The following MBD2 variants were observed in gnomAD, a reference collection of about 807,000 sequenced individuals.
MBD2 encodes methyl-CpG-binding domain protein 2.
A neutral mutation model predicts 39.3 loss-of-function variants in MBD2; 9 were observed. The ratio of observed to expected loss-of-function variants is 0.23; its 90% CI spans 0.14 to 0.40. The LOEUF is 0.40. Ranked by LOEUF, MBD2 falls within the 10% of genes least tolerant of loss-of-function variation. The probability of loss-of-function intolerance (pLI) is 1.00; values close to 1 mark genes in which losing one functional copy is unlikely to be tolerated. For synonymous variants in MBD2, 233 were observed against 211.1 expected (o/e 1.10, Z -0.90); for missense variants, 458 against 532.6 (o/e 0.86, Z 1.38).
intron 1 of MBD2, among the ~76,000 whole-genome samples, chr18:54,223,802 A>C (rs556938228): frequency 6.6e-6 from 1 of 152,046 alleles, no homozygotes; most frequent in Non-Finnish European, 1.5e-5. Flanking sequence ...CGCCTTCCAC[A>C]TAAGATGCCC....
At chr18:54,203,141 T>TA in intron 2 of MBD2, 4 of 1,570,726 alleles carry the variant, frequency 2.5e-6, no homozygotes, top group Non-Finnish European at 3.5e-6. Context: ...AGAGATGAAT[T>TA]AGTGTTTGGT....
rs1568085515 is a variant in MBD2 at position 54,189,030 on chromosome 18, T to A, written c.703-19A>T. 1 of 1,519,464 alleles carries A rather than the reference T, an allele frequency of 6.6e-7. No individual in the cohort carries two copies. Among genetic ancestry groups the A allele is most frequent in the Non-Finnish European group, 9.0e-7 (1 of 1,115,980 alleles). 94.1% of individuals were successfully genotyped at this position (1,519,464 alleles called of 1,614,324 possible). On this transcript the variant is annotated intron_variant, in intron 2 of 6. Coordinates refer to ENST00000256429, the MANE Select transcript of MBD2 (RefSeq NM_003927.5). ...GTTTACCCTGTGAATATAAATGTAT[T>A]TTTATTTAAAATATTATATATAAAC...
intron 3 of MBD2, among the ~76,000 whole-genome samples, chr18:54,178,379 GTAAAAC>G (rs2086227106): frequency 6.6e-6 from 1 of 152,018 alleles, no homozygotes; most frequent in African/African-American, 2.4e-5. Context: ...AAACATATCT[GTAAAAC>G]AATAAATGTA....
intron 3 of MBD2, among the ~76,000 whole-genome samples, chr18:54,168,321 T>C (rs1291364994): frequency 6.6e-6 from 1 of 151,418 alleles, no homozygotes; most frequent in Non-Finnish European, 1.5e-5. Flanking sequence ...AAGAAAAAAT[T>C]AGTAAAAATA....
intron 2 of MBD2, among the ~76,000 whole-genome samples, chr18:54,197,999 T>C (rs568826422): frequency 1.3e-5 from 2 of 152,252 alleles, no homozygotes; most frequent in East Asian, 1.9e-4. Context: ...ACAAAAAGGG[T>C]ATCAGTATCT....
intron 1 of MBD2, among the ~76,000 whole-genome samples, chr18:54,211,309 GA>G (rs2144341576): frequency 6.6e-6 from 1 of 151,774 alleles, no homozygotes; most frequent in South Asian, 2.1e-4. Context: ...CTAAAAACAT[GA>G]AATTAGAATT....
intron 2 of MBD2, chr18:54,202,976 A>G: frequency 1.0e-6 from 1 of 994,958 alleles, no homozygotes; most frequent in Non-Finnish European, 1.6e-6. Context: ...TGGGTCTTGG[A>G]TGAGTAGGAG....
chr18:54,164,367 C>T (rs1187178431), intron 5 of MBD2, among the ~76,000 whole-genome samples, 156 bp downstream of exon 5: 1 of 152,084 alleles, frequency 6.6e-6, no homozygotes, highest in East Asian at 1.9e-4. Flanking sequence ...CTTTTTTCAC[C>T]TTCTATCAGT....
Position 54,200,606 on chromosome 18 carries a change from A to C in MBD2, c.702+4392T>G, listed in dbSNP as rs750967113. On this transcript the variant is annotated intron_variant, in intron 2 of 6. Coordinates refer to ENST00000256429, the MANE Select transcript of MBD2 (RefSeq NM_003927.5). ...ACAGTCACATCTGTGAAACCCTGCA[A>C]CACCACCTCTTTGAAAAATCAAACA... is the stretch of plus-strand genomic sequence containing the variant. Among the ~76,000 whole-genome samples, 22 of 152,278 alleles carry C rather than the reference A, an allele frequency of 1.4e-4. 1 individual carries two copies. The highest frequency in any genetic ancestry group is 4.1e-4 in the South Asian group (2 of 4,830).
chr18:54,154,457 T>C lies in MBD2; in HGVS notation c.*867A>G, dbSNP rs2086039716. 1.3e-5 allele frequency: 2 copies of C among 152,152 alleles called. No homozygotes were observed. Among genetic ancestry groups the C allele is most frequent in the African/African-American group, 4.8e-5 (2 of 41,448 alleles). 9.4% of individuals were successfully genotyped at this position (152,152 alleles called of 1,614,324 possible). Reference sequence around the variant, plus strand: ...GATAACTCAGTAAGCTAGTGGACGTTAGAGAGTGCCAAACATTCTTTAAAA... The same window carrying C: ...GATAACTCAGTAAGCTAGTGGACGTCAGAGAGTGCCAAACATTCTTTAAAA... On this transcript the variant is annotated 3_prime_UTR_variant, in exon 7 of 7. Coordinates refer to ENST00000256429, the MANE Select transcript of MBD2 (RefSeq NM_003927.5).
At chr18:54,207,820 G>A (rs1362558689) in intron 1 of MBD2, among the ~76,000 whole-genome samples, 2 of 148,746 alleles carry the variant, frequency 1.3e-5, no homozygotes, top group Non-Finnish European at 1.5e-5. Flanking sequence ...GGCAGATCAC[G>A]AGGTCAGAAG....
chr18:54,179,173 C>G (rs918164676), intron 3 of MBD2, among the ~76,000 whole-genome samples: 3 of 152,098 alleles, frequency 2.0e-5, no homozygotes, highest in African/African-American at 7.2e-5. Flanking sequence ...CTGAGCGATA[C>G]AGCGAGACCT....
At chr18:54,210,872 T>TC (rs1488552815) in intron 1 of MBD2, among the ~76,000 whole-genome samples, 1 of 143,708 alleles carries the variant, frequency 7.0e-6, no homozygotes. Context: ...TTCTATTTTT[T>TC]TTTTTTTTTT....
chr18:54,224,532 A>G lies in MBD2; in HGVS notation c.28T>C (p.Cys10Arg). MRAHPGGGR[C>R]CPEQEEGESA... ...TCCCCCTCCTCCTGCTCCGGGCAGC[A>G]GCGGCCTCCCCCCGGGTGCGCGCGC... The change falls in exon 1 of 7, where the codon TGC (cysteine) becomes CGC (arginine). Residue 10 changes from cysteine (C) to arginine (R), a missense_variant. Cys to Arg is a radical substitution (Grantham distance 180, BLOSUM62 -3). Around this residue, in one of 2 missense-constraint regions of MBD2, gnomAD observed 269 missense variants for 236.0 expected, o/e 1.14. Coordinates refer to ENST00000256429, the MANE Select transcript of MBD2 (RefSeq NM_003927.5). The G allele has an allele frequency of 8.3e-7, 1 of 1,208,290 alleles. No homozygotes were observed. The highest frequency in any genetic ancestry group is 1.0e-6 in the Non-Finnish European group (1 of 974,658). 74.8% of individuals were successfully genotyped at this position (1,208,290 alleles called of 1,614,324 possible).
intron 1 of MBD2, among the ~76,000 whole-genome samples, chr18:54,215,474 A>C (rs1338118774): frequency 6.6e-6 from 1 of 151,928 alleles, no homozygotes; most frequent in African/African-American, 2.4e-5. Context: ...ATACAAAAGC[A>C]ATTTCTGAGG....
At chr18:54,178,552 C>T (rs2086228085) in intron 3 of MBD2, among the ~76,000 whole-genome samples, 1 of 151,818 alleles carries the variant, frequency 6.6e-6, no homozygotes, top group Non-Finnish European at 1.5e-5. Flanking sequence ...CAAACAAATA[C>T]AGGCATAAAA....
chr18:54,220,732 G>A (rs1015702546), intron 1 of MBD2, among the ~76,000 whole-genome samples: 2 of 152,194 alleles, frequency 1.3e-5, no homozygotes, highest in Admixed American at 1.3e-4. Context: ...AATATGTAAA[G>A]CAGTGACACT....
intron 2 of MBD2, among the ~76,000 whole-genome samples, chr18:54,204,362 G>A (rs2086432523): frequency 6.6e-6 from 1 of 152,210 alleles, no homozygotes; most frequent in African/African-American, 2.4e-5. Context: ...ACAGGCTTAA[G>A]TATCTCTCAT....
At chr18:54,204,940 G>A in intron 2 of MBD2, 58 bp downstream of exon 2, 1 of 1,528,604 alleles carries the variant, frequency 6.5e-7, no homozygotes, top group East Asian at 2.3e-5. Context: ...TATGATGTGA[G>A]ATACTTTTTG....
Sources: allele counts gnomAD v4.1 joint callset (sites outside exome capture counted in the v4.1 genomes callset), GRCh38; gene constraint gnomAD v4.1.1; regional missense constraint gnomAD v4.1.1; transcripts MANE v1.5; gene names NCBI Gene and HGNC (gene_info 2026-07-23, HGNC 2026-07-21).